TAF12: variants seen among roughly 807,000 people sequenced by gnomAD.
TAF12 encodes TATA-box binding protein associated factor 12, also known as transcription initiation factor TFIID subunit 12.
TAF12 carries 3 observed loss-of-function variants against 20.8 expected under a neutral mutation model. The observed-to-expected ratio is 0.14, with a 90% CI of 0.07 to 0.37. The LOEUF (loss-of-function observed/expected upper bound fraction) is 0.37. TAF12 is among the 10% of genes least tolerant of loss of function. TAF12 has a pLI of 1.00. For missense variants in TAF12, 131 were observed against 197.9 expected, an observed-to-expected ratio of 0.66 and a Z score of 2.03; for synonymous variants, 69 against 70.2, an observed-to-expected ratio of 0.98 and a Z score of 0.09.
chr1:28,648,247 G>C, exon 1 of TAF12: 1 of 985,324 alleles, frequency 1.0e-6, no homozygotes, highest in Non-Finnish European at 1.2e-6. Flanking sequence ...GACGCCTTCT[G>C]TCGTGAGCAG....
intron 4 of TAF12, among the ~76,000 whole-genome samples, chr1:28,606,400 A>G (rs1159285354): frequency 6.6e-6 from 1 of 152,066 alleles, no homozygotes; most frequent in Non-Finnish European, 1.5e-5. Context: ...CAGCCTCCCG[A>G]AGTGCTGGGA....
chr1:28,625,937 A>G (rs948700401), intron 1 of TAF12, among the ~76,000 whole-genome samples: 10 of 150,028 alleles, frequency 6.7e-5, no homozygotes, highest in African/African-American at 2.5e-4. Context: ...GCCTCAGCCT[A>G]CCAGAGTGCT....
At chr1:28,607,394 G>A (rs774057021) in intron 4 of TAF12, among the ~76,000 whole-genome samples, 11 of 152,062 alleles carry the variant, frequency 7.2e-5, no homozygotes, top group Non-Finnish European at 1.6e-4. Flanking sequence ...TAGCTGGGCG[G>A]GAGTGGTGGG....
intron 1 of TAF12, among the ~76,000 whole-genome samples, chr1:28,625,508 C>A (rs1667350623): frequency 6.6e-6 from 1 of 151,378 alleles, no homozygotes; most frequent in East Asian, 1.9e-4. Flanking sequence ...GTAGCTAGGA[C>A]TACATGTGCA....
rs981933957 is a variant in TAF12 at position 28,643,018 on chromosome 1, T to C, written c.-111A>G. On this transcript the variant is annotated 5_prime_UTR_variant, in exon 1 of 6. It adds an upstream start codon to the 5' untranslated region. Transcript: ENST00000373824. ...GGCAGCAGCGTCTATCTCCCCATGA[T>C]ATGCAGAGACTGCCCCAGTGAAGCG... is the stretch of plus-strand genomic sequence containing the variant. The C allele has an allele frequency of 2.0e-6, 2 of 985,938 alleles. No homozygotes were observed. The highest frequency in any genetic ancestry group is 2.4e-6 in the Non-Finnish European group (2 of 830,002). 61.1% of individuals were successfully genotyped at this position (985,938 alleles called of 1,614,324 possible).
At chr1:28,642,956 G>T in intron 1 of TAF12, 36 bp downstream of exon 1, 2 of 986,164 alleles carry the variant, frequency 2.0e-6, no homozygotes, top group Non-Finnish European at 2.4e-6. Context: ...CCCTCCTCCC[G>T]CTCTTGTTCC....
At chr1:28,610,466 AATCT>A (rs1333599897) in intron 4 of TAF12, among the ~76,000 whole-genome samples, 1 of 151,542 alleles carries the variant, frequency 6.6e-6, no homozygotes, top group Non-Finnish European at 1.5e-5. Flanking sequence ...TAATTTTTTA[AATCT>A]TTTTTAAATC....
intron 1 of TAF12, among the ~76,000 whole-genome samples, chr1:28,639,143 C>T (rs1030066306): frequency 3.3e-5 from 5 of 150,352 alleles, no homozygotes; most frequent in South Asian, 2.1e-4. Flanking sequence ...GGTGTGATCT[C>T]GGCTCACTGC....
chr1:28,647,391 A>G (rs1420666925), upstream of TAF12, among the ~76,000 whole-genome samples: 1 of 151,970 alleles, frequency 6.6e-6, no homozygotes, highest in Non-Finnish European at 1.5e-5. Flanking sequence ...TGGCTCAAGC[A>G]ATCCTTCTGC....
intron 5 of TAF12, among the ~76,000 whole-genome samples, chr1:28,604,052 G>A (rs1216928211): frequency 2.6e-5 from 4 of 151,982 alleles, no homozygotes; most frequent in Non-Finnish European, 5.9e-5. Context: ...TTACAGGCAC[G>A]TGCCACCACG....
intron 2 of TAF12, among the ~76,000 whole-genome samples, chr1:28,620,592 C>T (rs1486131183): frequency 1.3e-5 from 2 of 152,038 alleles, no homozygotes; most frequent in East Asian, 1.9e-4. Flanking sequence ...CCTGCCACCA[C>T]GCCTGGCTAA....
upstream of TAF12, among the ~76,000 whole-genome samples, chr1:28,647,177 GAAAGC>G (rs2124403797): frequency 6.6e-6 from 1 of 152,214 alleles, no homozygotes; most frequent in East Asian, 1.9e-4. Flanking sequence ...TACATACATA[GAAAGC>G]AGTCTGGCAA....
chr1:28,636,955 C>T (rs1412477001), intron 1 of TAF12, among the ~76,000 whole-genome samples: 1 of 152,018 alleles, frequency 6.6e-6, no homozygotes, highest in Non-Finnish European at 1.5e-5. Context: ...CATGCTCCAG[C>T]CTGGAAAATA....
In TAF12 at chr1:28,603,388, C is replaced by G. The variant is rs1666567923; in HGVS notation, c.*151G>C. The G allele has an allele frequency of 1.3e-6, 1 of 750,048 alleles. No homozygotes were observed. Among genetic ancestry groups the G allele is most frequent in the South Asian group, 2.0e-5 (1 of 49,322 alleles). The allele number at this position is 750,048 out of a possible 1,614,324, so 46.5% of individuals were successfully genotyped here. On this transcript the variant is annotated 3_prime_UTR_variant, in exon 6 of 6. Coordinates refer to ENST00000373824, the MANE Select transcript of TAF12 (RefSeq NM_005644.4). ...AGGCTTTATTCTTTTGGCAGATCCTCTCAGTCATTATAGATATTGCTGCAC... is the reference window on the plus strand; with the variant it reads ...AGGCTTTATTCTTTTGGCAGATCCTGTCAGTCATTATAGATATTGCTGCAC...
chr1:28,619,961 G>A (rs1365269975), intron 2 of TAF12, among the ~76,000 whole-genome samples: 1 of 149,868 alleles, frequency 6.7e-6, no homozygotes, highest in Non-Finnish European at 1.5e-5. Context: ...AAAAAAAAAA[G>A]AGAGAGAGAC....
chr1:28,644,721 A>G (rs1394693562), upstream of TAF12, among the ~76,000 whole-genome samples: 6 of 152,368 alleles, frequency 3.9e-5, 1 homozygote, highest in South Asian at 6.2e-4. Context: ...TAAGGAAAAC[A>G]CTTACTCAAG....
intron 1 of TAF12, among the ~76,000 whole-genome samples, chr1:28,642,441 A>G (rs1181342970): frequency 6.6e-6 from 1 of 151,930 alleles, no homozygotes; most frequent in Non-Finnish European, 1.5e-5. Flanking sequence ...AGACTCAGGA[A>G]CTCGGAGTCT....
At chr1:28,607,591 G>C (rs935047917) in intron 4 of TAF12, among the ~76,000 whole-genome samples, 7 of 152,104 alleles carry the variant, frequency 4.6e-5, no homozygotes, top group African/African-American at 1.7e-4. Context: ...AGAATCACTT[G>C]AACCTGGGAG....
At chr1:28,618,514 C>T (rs1227859413) in intron 2 of TAF12, among the ~76,000 whole-genome samples, 3 of 151,262 alleles carry the variant, frequency 2.0e-5, no homozygotes, top group African/African-American at 4.9e-5. Context: ...ACCATAGGCA[C>T]GTGCCATCAT....
Sources: gnomAD v4.1 joint callset for allele counts (sites outside exome capture counted in the v4.1 genomes callset) on GRCh38, gnomAD v4.1.1 for gene constraint, MANE v1.5 for transcripts, NCBI Gene and HGNC (gene_info 2026-07-23, HGNC 2026-07-21) for gene names.